The following SORCS3 variants were observed in gnomAD, a reference collection of about 807,000 sequenced individuals.
SORCS3 encodes sortilin related VPS10 domain containing receptor 3.
A neutral mutation model predicts 146.3 loss-of-function variants in SORCS3; 57 were observed. The ratio of observed to expected loss-of-function variants is 0.39; its 90% CI spans 0.31 to 0.49. SORCS3 has a LOEUF of 0.49. Among genes scored for constraint, SORCS3 ranks in the 20% least tolerant of loss-of-function variants. SORCS3 has a pLI of 0.92. For missense variants in SORCS3, 1,341 were observed against 1,575.5 expected (o/e 0.85, Z 2.52); for synonymous variants, 653 against 618.5 (o/e 1.06, Z -0.83).
chr10:105,188,940 A>G (rs1478754279), intron 14 of SORCS3, among the ~76,000 whole-genome samples: 1 of 152,206 alleles, frequency 6.6e-6, no homozygotes, highest in African/African-American at 2.4e-5. Flanking sequence ...GAGATGGTGT[A>G]TGACTCACCG....
chr10:104,778,548 C>T (rs1161132689), intron 1 of SORCS3, among the ~76,000 whole-genome samples: 3 of 152,180 alleles, frequency 2.0e-5, no homozygotes, highest in Non-Finnish European at 2.9e-5. Context: ...AGTGAGCATA[C>T]AATGAGATAA....
At chr10:105,176,225 G>A (rs1002612441) in intron 13 of SORCS3, among the ~76,000 whole-genome samples, 3 of 152,010 alleles carry the variant, frequency 2.0e-5, no homozygotes, top group East Asian at 1.9e-4. Context: ...AAGAATTAAC[G>A]GTATGGTGTT....
intron 1 of SORCS3, among the ~76,000 whole-genome samples, chr10:104,715,240 C>T (rs541741612): frequency 2.2e-4 from 34 of 152,188 alleles, no homozygotes; most frequent in Admixed American, 1.7e-3. Context: ...ACCCTCACCA[C>T]GGTGGGTGGG....
intron 5 of SORCS3, among the ~76,000 whole-genome samples, chr10:105,063,480 T>C (rs2055501348): frequency 6.6e-6 from 1 of 152,234 alleles, no homozygotes; most frequent in South Asian, 2.1e-4. Context: ...CAGCCATCCC[T>C]ACTGTCTCTC....
At position 104,708,647 on chromosome 10, in the gene SORCS3, C is replaced by A. The variant is rs548926865; in HGVS notation, c.627+66693C>A. On this transcript the variant is annotated intron_variant, in intron 1 of 26. Transcript: ENST00000369701. Reference sequence around the variant, plus strand: ...TAAATCCTGTTTTTCTGTAAATCTCCCAAAACTTGCTAGCTCTGGGCTGGC... The same window carrying A: ...TAAATCCTGTTTTTCTGTAAATCTCACAAAACTTGCTAGCTCTGGGCTGGC... Among the ~76,000 whole-genome samples the A allele has an allele frequency of 2.0e-5, 3 of 152,280 alleles. No individual in the cohort carries two copies. In the South Asian group the frequency reaches 6.2e-4, roughly 32 times the overall value.
At chr10:105,256,976 G>T in intron 25 of SORCS3, 52 bp downstream of exon 25, 2 of 1,270,534 alleles carry the variant, frequency 1.6e-6, no homozygotes, top group South Asian at 1.2e-5. Flanking sequence ...CATTGCAAAT[G>T]ATTCTTCCTA....
chr10:104,858,682 T>C (rs112545085), intron 2 of SORCS3, among the ~76,000 whole-genome samples: 7,847 of 150,516 alleles, frequency 0.052, 241 homozygotes, highest in East Asian at 0.12. Context: ...AGTGCAATGG[T>C]GTGATCTCGG....
At chr10:105,218,528 A>G (rs2056678609) in intron 19 of SORCS3, among the ~76,000 whole-genome samples, 1 of 152,232 alleles carries the variant, frequency 6.6e-6, no homozygotes, top group Admixed American at 6.5e-5. Flanking sequence ...CAAAGTGGTG[A>G]GAACCACACC....
intron 9 of SORCS3, among the ~76,000 whole-genome samples, chr10:105,148,669 T>C (rs1261940954): frequency 6.6e-6 from 1 of 152,126 alleles, no homozygotes; most frequent in African/African-American, 2.4e-5. Context: ...CGTTGTCTAT[T>C]CTGGGTGGTG....
chr10:104,999,300 T>TTGTATA (rs1439950511), intron 4 of SORCS3, among the ~76,000 whole-genome samples: 1 of 152,144 alleles, frequency 6.6e-6, no homozygotes, highest in African/African-American at 2.4e-5. Flanking sequence ...CTGAAAACGT[T>TTGTATA]TGTATATTGG....
chr10:105,178,338 C>T (rs1217796485), intron 14 of SORCS3, among the ~76,000 whole-genome samples, 165 bp downstream of exon 14: 2 of 152,136 alleles, frequency 1.3e-5, no homozygotes, highest in East Asian at 1.9e-4. Context: ...TACCTACAAA[C>T]TCAAAAAGCT....
chr10:105,060,148 G>T (rs541507071), intron 5 of SORCS3, among the ~76,000 whole-genome samples: 60 of 152,254 alleles, frequency 3.9e-4, no homozygotes, highest in African/African-American at 1.3e-3. Flanking sequence ...GGAATTTGAG[G>T]GGGGTTTGAA....
At chr10:104,821,669 A>T (rs1229445794) in intron 1 of SORCS3, among the ~76,000 whole-genome samples, 1 of 152,140 alleles carries the variant, frequency 6.6e-6, no homozygotes, top group Non-Finnish European at 1.5e-5. Context: ...ATAAAATGCA[A>T]AGCCATTTCT....
chr10:105,146,122 T>A (rs2056129473), intron 8 of SORCS3, among the ~76,000 whole-genome samples: 1 of 152,136 alleles, frequency 6.6e-6, no homozygotes, highest in Non-Finnish European at 1.5e-5. Context: ...TTCTGCTATC[T>A]ATTACTCTTT....
intron 8 of SORCS3, among the ~76,000 whole-genome samples, chr10:105,141,501 TA>T (rs1326921450): frequency 6.6e-6 from 1 of 152,218 alleles, no homozygotes; most frequent in Non-Finnish European, 1.5e-5. Context: ...TGGATGCTTT[TA>T]GGTGGCTTGC....
intron 3 of SORCS3, among the ~76,000 whole-genome samples, chr10:104,929,971 T>G (rs1416692705): frequency 1.3e-5 from 2 of 152,084 alleles, no homozygotes; most frequent in African/African-American, 4.8e-5. Context: ...CAGTGACTGA[T>G]CCTAAAGAAA....
At chr10:104,771,414 G>A (rs2017248678) in intron 1 of SORCS3, among the ~76,000 whole-genome samples, 1 of 152,130 alleles carries the variant, frequency 6.6e-6, no homozygotes. Context: ...ATCTCTGCTT[G>A]GCCCCTGACC....
intron 5 of SORCS3, among the ~76,000 whole-genome samples, chr10:105,064,259 T>C (rs562544381): frequency 1.3e-5 from 2 of 152,214 alleles, no homozygotes; most frequent in East Asian, 3.9e-4. Context: ...CCATGGTGAG[T>C]GTAAAACCAA....
At chr10:105,024,762 G>A (rs1488817244) in intron 4 of SORCS3, among the ~76,000 whole-genome samples, 2 of 152,160 alleles carry the variant, frequency 1.3e-5, no homozygotes, top group Non-Finnish European at 2.9e-5. Flanking sequence ...ATATATAAAT[G>A]TATGCATGTG....
Sources: allele counts gnomAD v4.1 joint callset (sites outside exome capture counted in the v4.1 genomes callset), GRCh38; gene constraint gnomAD v4.1.1; transcripts MANE v1.5; gene names NCBI Gene and HGNC (gene_info 2026-07-23, HGNC 2026-07-21).